The following MRPL43 variants were observed in gnomAD, a reference collection of about 807,000 sequenced individuals.
MRPL43 encodes the protein large ribosomal subunit protein mL43.
In MRPL43, 9 loss-of-function variants were observed where a neutral mutation model predicts 12.7. The ratio of observed to expected loss-of-function variants is 0.71; its 90% confidence interval spans 0.43 to 1.24. The LOEUF (loss-of-function observed/expected upper bound fraction) is 1.24, where lower values mean the gene tolerates loss of function less well. Among genes scored for constraint, MRPL43 ranks in the 50% most tolerant of loss-of-function variants. The pLI, the probability that MRPL43 is intolerant of heterozygous loss-of-function variation, is 0.00. For missense variants in MRPL43, 211 were observed against 229.2 expected (o/e 0.92, Z 0.51); for synonymous variants, 116 against 96.4 (o/e 1.20, Z -1.19).
At chr10:100,984,434 G>T (rs561836841), downstream of MRPL43, 228 of 1,493,776 alleles carry the variant, frequency 1.5e-4, 2 homozygotes, top group South Asian at 2.8e-3. Flanking sequence ...ACTTATAGGT[G>T]AGGACTCCAT....
rs1851509539 is a variant in MRPL43, at chr10:100,986,823, G to A, written c.391C>T (p.His131Tyr). 1 of 1,613,906 alleles carries A rather than the reference G, an allele frequency of 6.2e-7. No individual in the cohort carries two copies. Among genetic ancestry groups the A allele is most frequent in the East Asian group, 2.2e-5 (1 of 44,874 alleles). Residue 131 changes from histidine to tyrosine, a missense_variant, in exon 3 of 3, where the codon CAC becomes TAC. By Grantham distance (83) the His-to-Tyr change is moderately conservative. Coordinates refer to ENST00000318364, the MANE Select transcript of MRPL43 (RefSeq NM_032112.3). ...GTGGTCGGCTTGTTGGTGAAGGGGT[G>A]CCACTGGCCCTGGATGCTAGGGTTG... is the stretch of plus-strand genomic sequence containing the variant. ...TDNPSIQGQWHPFTNKPTTFR... is the reference protein window; with the variant it reads ...TDNPSIQGQWYPFTNKPTTFR...
chr10:100,986,176 C>T, downstream of MRPL43: 1 of 577,364 alleles, frequency 1.7e-6, no homozygotes, highest in South Asian at 3.6e-5. Context: ...TGATACTAAC[C>T]ACCTGACAGT....
chr10:100,984,921 C>T (rs1590004029), downstream of MRPL43: 3 of 1,446,976 alleles, frequency 2.1e-6, no homozygotes, highest in African/African-American at 4.3e-5. Flanking sequence ...ATGTCCCATC[C>T]CCATGCACAT....
At chr10:100,985,288 C>G (rs1365943648), downstream of MRPL43, 9 of 176,316 alleles carry the variant, frequency 5.1e-5, no homozygotes, top group East Asian at 1.6e-4. Context: ...TCCTACCTCA[C>G]CGGGGCACTT....
At chr10:100,984,721 T>C (rs1851341027), downstream of MRPL43, 36 of 1,536,138 alleles carry the variant, frequency 2.3e-5, no homozygotes, top group Non-Finnish European at 3.1e-5. Flanking sequence ...CCCTCCCAAT[T>C]GCCACATCCT....
downstream of MRPL43, chr10:100,983,667 G>T (rs149914326): frequency 3.3e-5 from 53 of 1,613,468 alleles, no homozygotes; most frequent in Non-Finnish European, 4.5e-5. Context: ...TGCCGCGCTT[G>T]GTGGCCTCTG....
At chr10:100,980,684 T>C, downstream of MRPL43, 1 of 1,613,434 alleles carries the variant, frequency 6.2e-7, no homozygotes, top group South Asian at 1.1e-5. Flanking sequence ...TAGTCATCTC[T>C]CTATTGCAGG....
downstream of MRPL43, chr10:100,981,482 G>T: frequency 1.2e-6 from 2 of 1,614,172 alleles, no homozygotes; most frequent in South Asian, 2.2e-5. Flanking sequence ...AGTAGTGGAT[G>T]ACAAGGGTTC....
chr10:100,984,890 A>G (rs995448141), downstream of MRPL43: 1 of 1,467,222 alleles, frequency 6.8e-7, no homozygotes, highest in Non-Finnish European at 9.0e-7. Context: ...TCTCAAGAGT[A>G]TGAGAGACAG....
rs757832382 is a variant in MRPL43, at chr10:100,987,445, G to A, written c.-2C>T. The A allele has an allele frequency of 5.6e-6, 9 of 1,611,970 alleles. No homozygotes were observed. Among genetic ancestry groups the A allele is most frequent in the Middle Eastern group, 1.7e-4 (1 of 6,018 alleles). ...GCTCGGAGTCCCGCGCGCCGTCATA[G>A]CTACAGCTTGGAGGCCGCGGAGCCT... is the stretch of plus-strand genomic sequence containing the variant. On this transcript the variant is annotated 5_prime_UTR_variant, in exon 1 of 3. Coordinates refer to ENST00000318364, the MANE Select transcript of MRPL43 (RefSeq NM_032112.3).
At chr10:100,986,201 C>T (rs763088153), downstream of MRPL43, 13 of 825,660 alleles carry the variant, frequency 1.6e-5, no homozygotes, top group South Asian at 5.3e-5. Flanking sequence ...ATATGTTCTG[C>T]GTCTAGTTTT....
chr10:100,980,648 C>T (rs767751429), downstream of MRPL43: 1 of 1,614,186 alleles, frequency 6.2e-7, no homozygotes, highest in South Asian at 1.1e-5. Flanking sequence ...CACAAGTGTT[C>T]AGGGAGTCCC....
downstream of MRPL43, chr10:100,979,287 A>G (rs1369579995): frequency 1.9e-6 from 3 of 1,614,002 alleles, no homozygotes; most frequent in African/African-American, 1.3e-5. Flanking sequence ...TGCAGGGACA[A>G]TCGGGAGGCA....
downstream of MRPL43, chr10:100,980,346 T>C (rs1241866025): frequency 4.3e-6 from 7 of 1,612,784 alleles, no homozygotes; most frequent in Non-Finnish European, 5.1e-6. Flanking sequence ...TGGGCACAGG[T>C]GCTTCTGATC....
downstream of MRPL43, chr10:100,979,792 G>A (rs1189277104): frequency 1.3e-6 from 2 of 1,597,122 alleles, no homozygotes; most frequent in Non-Finnish European, 8.5e-7. Context: ...AGCACGAGTT[G>A]GGGGGCAGGC....
downstream of MRPL43, chr10:100,980,514 T>C (rs67692077): frequency 0.23 from 341,653 of 1,466,196 alleles, 45,167 homozygotes; most frequent in East Asian, 0.55. Flanking sequence ...GTATTAGGCC[T>C]CTTGCAGGGT....
At chr10:100,979,373 C>G (rs1245608493), downstream of MRPL43, 1 of 1,589,542 alleles carries the variant, frequency 6.3e-7, no homozygotes, top group Non-Finnish European at 8.6e-7. Context: ...GGAGGTCTGG[C>G]TGCAAAGTGA....
At chr10:100,984,922 C>T (rs1335465291), downstream of MRPL43, 3 of 1,446,464 alleles carry the variant, frequency 2.1e-6, no homozygotes, top group East Asian at 7.5e-5. Context: ...TGTCCCATCC[C>T]CATGCACATG....
downstream of MRPL43, chr10:100,985,662 C>T (rs1240772025): frequency 6.6e-6 from 1 of 152,578 alleles, no homozygotes; most frequent in East Asian, 1.9e-4. Context: ...CCCTGATCAC[C>T]AGGGGACAGG....
Sources: gnomAD v4.1 joint callset for allele counts on GRCh38, gnomAD v4.1.1 for gene constraint, MANE v1.5 for transcripts, NCBI Gene and HGNC (gene_info 2026-07-23, HGNC 2026-07-21) for gene names.